SNTB2: variants seen among roughly 807,000 people sequenced by gnomAD.
SNTB2 encodes beta-2-syntrophin.
A neutral mutation model predicts 46.2 loss-of-function variants in SNTB2; 34 were observed. That is an observed-to-expected ratio of 0.74 (90% CI 0.56 to 0.98). SNTB2 has a LOEUF of 0.98. Ranked by LOEUF, SNTB2 falls within the 50% of genes least tolerant of loss-of-function variation. The pLI is 0.00. For synonymous variants in SNTB2, 290 were observed against 312.6 expected, an observed-to-expected ratio of 0.93 and a Z score of 0.76; for missense variants, 603 against 731.4, an observed-to-expected ratio of 0.82 and a Z score of 2.02.
chr16:69,192,158 A>C (rs1964061492), intron 1 of SNTB2, among the ~76,000 whole-genome samples: 1 of 152,210 alleles, frequency 6.6e-6, no homozygotes. Flanking sequence ...AAGGTGGGAA[A>C]AACAGCAGCT....
rs148881713 is a variant in SNTB2, at chr16:69,270,829, T to C, written c.1148+544T>C. Among the ~76,000 whole-genome samples the C allele has an allele frequency of 2.0e-3, 306 of 152,344 alleles. 1 individual carries two copies. Among genetic ancestry groups the C allele is most frequent in the African/African-American group, 6.9e-3 (289 of 41,590 alleles). ...TATGGAGGGCTGAAAGGGAAAAGAA[T>C]AGAGAAATTTAGACTTGGGAGCCAA... On this transcript the variant is annotated intron_variant, in intron 4 of 6. Coordinates refer to ENST00000336278, the MANE Select transcript of SNTB2 (RefSeq NM_006750.4).
At chr16:69,269,098 G>A (rs958093931) in intron 3 of SNTB2, among the ~76,000 whole-genome samples, 4 of 151,798 alleles carry the variant, frequency 2.6e-5, no homozygotes, top group African/African-American at 9.7e-5. Context: ...GAACCCGGGA[G>A]GCTGAGACTG....
intron 1 of SNTB2, among the ~76,000 whole-genome samples, chr16:69,188,149 A>C (rs1318055258): frequency 1.3e-5 from 2 of 152,056 alleles, no homozygotes; most frequent in Non-Finnish European, 2.9e-5. Flanking sequence ...ATTAAAAAAA[A>C]AAAAAAGTCC....
intron 1 of SNTB2, among the ~76,000 whole-genome samples, chr16:69,223,242 G>T (rs996228327): frequency 1.3e-4 from 19 of 150,360 alleles, no homozygotes; most frequent in African/African-American, 4.4e-4. Flanking sequence ...GCCCAGGCTG[G>T]AGTGCAGTCG....
intron 1 of SNTB2, among the ~76,000 whole-genome samples, chr16:69,204,159 T>C (rs1308043885): frequency 6.6e-6 from 1 of 152,150 alleles, no homozygotes; most frequent in Non-Finnish European, 1.5e-5. Flanking sequence ...TCCCAAATGC[T>C]GGGATTACAG....
chr16:69,257,100 G>C (rs1018613465), intron 2 of SNTB2, among the ~76,000 whole-genome samples: 2 of 151,136 alleles, frequency 1.3e-5, no homozygotes, highest in African/African-American at 4.9e-5. Context: ...GAACCCGGCA[G>C]TCAGAGGTTT....
intron 5 of SNTB2, 63 bp from the exon 6 acceptor site, chr16:69,299,527 C>G (rs1051603792): frequency 2.0e-6 from 3 of 1,496,736 alleles, no homozygotes; most frequent in Non-Finnish European, 2.8e-6. Context: ...CAGAAGATTC[C>G]CTTTTCACTT....
chr16:69,235,221 C>G (rs1345258326), intron 1 of SNTB2, among the ~76,000 whole-genome samples: 1 of 151,688 alleles, frequency 6.6e-6, no homozygotes, highest in Non-Finnish European at 1.5e-5. Context: ...CAGGCATGAG[C>G]CACCGTTCCC....
At chr16:69,192,889 A>G (rs564856281) in intron 1 of SNTB2, among the ~76,000 whole-genome samples, 8 of 152,286 alleles carry the variant, frequency 5.3e-5, no homozygotes, top group African/African-American at 1.9e-4. Context: ...CCCCCAAGAC[A>G]TTGCTAGAAT....
At chr16:69,298,009 G>C (rs1965244149) in intron 5 of SNTB2, among the ~76,000 whole-genome samples, 2 of 151,632 alleles carry the variant, frequency 1.3e-5, no homozygotes, top group Non-Finnish European at 2.9e-5. Flanking sequence ...CATGATCATA[G>C]CTCACTGCAG....
intron 1 of SNTB2, among the ~76,000 whole-genome samples, chr16:69,215,103 C>T (rs1964333657): frequency 6.6e-6 from 1 of 152,136 alleles, no homozygotes; most frequent in South Asian, 2.1e-4. Context: ...TCAGACGATC[C>T]ACCCACTCCC....
At chr16:69,279,520 T>C (rs972110628) in intron 4 of SNTB2, among the ~76,000 whole-genome samples, 2 of 121,086 alleles carry the variant, frequency 1.7e-5, no homozygotes, top group Non-Finnish European at 3.5e-5. Context: ...TTGCCCTTTT[T>C]TTTTTTTTTT....
intron 1 of SNTB2, among the ~76,000 whole-genome samples, chr16:69,243,802 C>T (rs760118678): frequency 2.0e-4 from 30 of 152,256 alleles, no homozygotes; most frequent in East Asian, 7.7e-4. Flanking sequence ...TGACCTGAGG[C>T]AGCTACCCAG....
At chr16:69,197,209 T>C (rs1219617224) in intron 1 of SNTB2, among the ~76,000 whole-genome samples, 2 of 152,198 alleles carry the variant, frequency 1.3e-5, no homozygotes, top group Non-Finnish European at 2.9e-5. Context: ...ATTTCATACA[T>C]TATAAGTGGT....
chr16:69,231,937 T>C (rs1028360826), intron 1 of SNTB2, among the ~76,000 whole-genome samples: 1 of 152,188 alleles, frequency 6.6e-6, no homozygotes, highest in African/African-American at 2.4e-5. Flanking sequence ...ATTTTTACTT[T>C]ATAAATGACC....
At chr16:69,221,177 G>A (rs893362820) in intron 1 of SNTB2, among the ~76,000 whole-genome samples, 9 of 152,124 alleles carry the variant, frequency 5.9e-5, no homozygotes, top group Non-Finnish European at 1.0e-4. Flanking sequence ...AAAACTAAAA[G>A]TAAACTTTGT....
intron 1 of SNTB2, among the ~76,000 whole-genome samples, chr16:69,225,225 ACT>A (rs1169532851): frequency 6.6e-6 from 1 of 152,206 alleles, no homozygotes; most frequent in Non-Finnish European, 1.5e-5. Context: ...CTAAGTGGTG[ACT>A]CTAACTGGAT....
chr16:69,269,506 A>G (rs1394272296), intron 3 of SNTB2, among the ~76,000 whole-genome samples: 1 of 151,780 alleles, frequency 6.6e-6, no homozygotes, highest in Non-Finnish European at 1.5e-5. Flanking sequence ...ACAGAGCAAG[A>G]CTGTCTCAGA....
chr16:69,192,124 A>T (rs1439943562), intron 1 of SNTB2, among the ~76,000 whole-genome samples: 1 of 152,232 alleles, frequency 6.6e-6, no homozygotes, highest in African/African-American at 2.4e-5. Flanking sequence ...GAAGCACTGG[A>T]TGCAGTGCAA....
Sources: allele counts gnomAD v4.1 joint callset (sites outside exome capture counted in the v4.1 genomes callset), GRCh38; gene constraint gnomAD v4.1.1; transcripts MANE v1.5; gene names NCBI Gene and HGNC (gene_info 2026-07-23, HGNC 2026-07-21).